REG4: variants seen among roughly 807,000 people sequenced by gnomAD.
REG4 encodes regenerating islet-derived protein 4.
A neutral mutation model predicts 22.3 loss-of-function variants in REG4; 16 were observed. The observed-to-expected ratio is 0.72, with a 90% confidence interval of 0.49 to 1.09. The LOEUF (loss-of-function observed/expected upper bound fraction) is 1.09. REG4 is among the 50% of genes least tolerant of loss of function. The pLI is 0.00. For synonymous variants in REG4, 71 were observed against 69.2 expected (o/e 1.03, Z -0.13); for missense variants, 214 against 193.9 (o/e 1.10, Z -0.61).
intron 2 of REG4, among the ~76,000 whole-genome samples, chr1:119,806,140 C>T (rs759970456): frequency 3.9e-5 from 6 of 152,174 alleles, no homozygotes; most frequent in South Asian, 2.1e-4. Context: ...CAGAGTTTCG[C>T]CACATTGCCC....
rs932391779 is a variant in REG4 at position 119,811,407 on chromosome 1, A to T, written c.-95+2T>A. ...CCCATCATCAACCGCGAGGAGGATT[A>T]CCTGTTTGGCAACCAAGACTCTAAG... On this transcript the variant is annotated splice_donor_variant, in intron 1 of 5. Transcript: ENST00000256585. LOFTEE classifies it low-confidence loss of function (5UTR_SPLICE). 1 of 150,900 alleles carries T rather than the reference A, an allele frequency of 6.6e-6. No individual in the cohort carries two copies. The highest frequency in any genetic ancestry group is 2.5e-5 in the African/African-American group (1 of 40,616). 9.3% of individuals were successfully genotyped at this position (150,900 alleles called of 1,614,324 possible). A position where few individuals can be genotyped will look rare whatever the true frequency, so the allele number is the denominator to read the frequency against.
chr1:119,799,486 C>T (rs1654033771), intron 4 of REG4, among the ~76,000 whole-genome samples: 1 of 151,844 alleles, frequency 6.6e-6, no homozygotes, highest in African/African-American at 2.4e-5. Context: ...TTGTGTTCTG[C>T]CATTCAGGAG....
intron 5 of REG4, among the ~76,000 whole-genome samples, chr1:119,795,907 G>C (rs763314165): frequency 1.3e-5 from 2 of 152,262 alleles, no homozygotes; most frequent in Non-Finnish European, 2.9e-5. Flanking sequence ...TGAGGTTGCT[G>C]CCCATTGAGC....
chr1:119,808,675 C>A, intron 2 of REG4, 28 bp downstream of exon 2: 1 of 1,570,930 alleles, frequency 6.4e-7, no homozygotes, highest in Non-Finnish European at 8.8e-7. Context: ...GGCTGTGGCT[C>A]AGTTCCAGCT....
intron 2 of REG4, among the ~76,000 whole-genome samples, chr1:119,806,673 A>T (rs762801336): frequency 6.6e-6 from 1 of 152,130 alleles, no homozygotes; most frequent in Admixed American, 6.5e-5. Context: ...AGAGAAGCCA[A>T]TGTTTCCATG....
chr1:119,799,782 G>A lies in REG4; in HGVS notation c.246C>T (p.Tyr82=), dbSNP rs761100121. The part of the protein sequence containing the change: ...SLKEASTIAE[Y]ISGYQRSQPI... ...GCTGGCTTCTCTGATAGCCACTTAT[G>A]TACTCTGCTATGGTGCTGGCTTCCT... The change falls in exon 4 of 6, where the codon TAC becomes TAT. Residue 82 remains tyrosine, a synonymous_variant. Coordinates refer to ENST00000256585, the MANE Select transcript of REG4 (RefSeq NM_032044.4). 1 of 1,614,168 alleles carries A rather than the reference G, an allele frequency of 6.2e-7. No homozygotes were observed. The highest frequency in any genetic ancestry group is 1.3e-5 in the African/African-American group (1 of 75,066).
At chr1:119,801,277 T>C (rs1053443169) in intron 3 of REG4, 5 of 152,274 alleles carry the variant, frequency 3.3e-5, no homozygotes, top group South Asian at 2.1e-4. Context: ...CTTAGGTTTT[T>C]ACTGCTCCCA....
intron 1 of REG4, among the ~76,000 whole-genome samples, chr1:119,810,593 G>C (rs1440035602): frequency 1.3e-5 from 2 of 152,146 alleles, no homozygotes; most frequent in African/African-American, 4.8e-5. Flanking sequence ...CCTTCCAAAA[G>C]TAATAGTGTA....
intron 2 of REG4, among the ~76,000 whole-genome samples, chr1:119,805,529 C>T (rs745949146): frequency 2.0e-5 from 3 of 152,072 alleles, no homozygotes; most frequent in Admixed American, 6.5e-5. Context: ...AGCAGAGGGC[C>T]GAGGGACACA....
chr1:119,805,221 G>T (rs942895177), intron 2 of REG4, among the ~76,000 whole-genome samples: 1 of 152,180 alleles, frequency 6.6e-6, no homozygotes, highest in African/African-American at 2.4e-5. Context: ...TTAAGAGAAG[G>T]CTGGCCATTG....
At chr1:119,801,873 A>C (rs1212373678) in intron 3 of REG4, 6 of 152,352 alleles carry the variant, frequency 3.9e-5, no homozygotes, top group African/African-American at 1.4e-4. Flanking sequence ...GGCATCTACC[A>C]TGTGGCATAG....
chr1:119,798,641 A>G, intron 4 of REG4, 39 bp from the exon 5 acceptor site: 5 of 1,539,082 alleles, frequency 3.2e-6, no homozygotes, highest in Non-Finnish European at 4.5e-6. Flanking sequence ...CAGCTCAGCA[A>G]CCCACCTGCC....
In REG4 at chr1:119,798,184, A is replaced by G. The variant is rs200825979; in HGVS notation, c.409+313T>C. ...GTCTGGGCTTCCCAAAATGGGATAT[A>G]TATCCCTCTCATGGTATAGAATGTG... On this transcript the variant is annotated intron_variant, in intron 5 of 5. Transcript: ENST00000256585. Among the ~76,000 whole-genome samples, 17 of 152,374 alleles carry G rather than the reference A, an allele frequency of 1.1e-4. No homozygotes were observed. In the East Asian group the frequency reaches 3.3e-3, roughly 29 times the overall value.
intron 3 of REG4, chr1:119,801,826 C>G (rs1654111624): frequency 6.6e-6 from 1 of 152,280 alleles, no homozygotes; most frequent in Non-Finnish European, 1.5e-5. Context: ...GGTTCAGTGT[C>G]AATCCTGTGG....
rs1481827217 is a variant in REG4 at position 119,798,543 on chromosome 1, C to T, written c.363G>A (p.Lys121=). 1 of 1,614,110 alleles carries T rather than the reference C, an allele frequency of 6.2e-7. No individual in the cohort carries two copies. The highest frequency in any genetic ancestry group is 2.2e-5 in the East Asian group (1 of 44,900). ...CACAGTGCTTGTTCCCACCCATGGA[C>T]TTGCCAGACCAGGATCTGTACAGAT... is the stretch of plus-strand genomic sequence containing the variant. ...AMYLYRSWSG[K]SMGGNKHCAE... The change falls in exon 5 of 6, where the codon AAG becomes AAA. Residue 121 remains lysine, a synonymous_variant. Coordinates refer to ENST00000256585, the MANE Select transcript of REG4 (RefSeq NM_032044.4).
chr1:119,808,619 T>G (rs1654398582), intron 2 of REG4, 84 bp downstream of exon 2: 1 of 978,080 alleles, frequency 1.0e-6, no homozygotes, highest in African/African-American at 1.6e-5. Flanking sequence ...CCTAAATGTT[T>G]TTGTGGGCAA....
At chr1:119,802,692 C>T (rs1417342397) in intron 3 of REG4, 2 of 1,421,376 alleles carry the variant, frequency 1.4e-6, no homozygotes, top group East Asian at 5.1e-5. Context: ...GTCTACACAC[C>T]ACTCTCTTTC....
At chr1:119,808,550 T>G (rs141465344) in intron 2 of REG4, among the ~76,000 whole-genome samples, 153 bp downstream of exon 2, 1 of 152,228 alleles carries the variant, frequency 6.6e-6, no homozygotes, top group Non-Finnish European at 1.5e-5. Context: ...AGCCCTTGAA[T>G]TTTTTAGTAC....
At chr1:119,802,817 G>C (rs1013033580) in intron 3 of REG4, 7 of 1,518,572 alleles carry the variant, frequency 4.6e-6, no homozygotes, top group Non-Finnish European at 5.3e-6. Context: ...GCTGAGGGTA[G>C]GGGCTCTTTC....
Sources: allele counts gnomAD v4.1 joint callset (sites outside exome capture counted in the v4.1 genomes callset), GRCh38; gene constraint gnomAD v4.1.1; transcripts MANE v1.5; gene names NCBI Gene and HGNC (gene_info 2026-07-23, HGNC 2026-07-21).